Variants in GRIK2 observed in about 807,000 individuals in gnomAD.
GRIK2 encodes the protein glutamate receptor ionotropic, kainate 2.
Under a neutral mutation model 100.3 loss-of-function variants are expected in GRIK2, and 32 were observed. The observed-to-expected ratio is 0.32, with a 90% CI of 0.24 to 0.43. The LOEUF is 0.43. Among genes scored for constraint, GRIK2 ranks in the 20% least tolerant of loss-of-function variants. The pLI, the probability that GRIK2 is intolerant of heterozygous loss-of-function variation, is 1.00. For synonymous variants in GRIK2, 417 were observed against 389.4 expected, an observed-to-expected ratio of 1.07 and a Z score of -0.83; for missense variants, 843 against 1,114.9, an observed-to-expected ratio of 0.76 and a Z score of 3.47.
At chr6:101,865,419 T>C (rs1405731419) in intron 11 of GRIK2, among the ~76,000 whole-genome samples, 7 of 152,180 alleles carry the variant, frequency 4.6e-5, no homozygotes, top group Non-Finnish European at 1.5e-5. Flanking sequence ...AAATCAAATA[T>C]TTGTTTTTCA....
chr6:101,574,256 CTG>C (rs1777689770), intron 2 of GRIK2, among the ~76,000 whole-genome samples: 1 of 148,358 alleles, frequency 6.7e-6, no homozygotes, highest in Non-Finnish European at 1.5e-5. Flanking sequence ...GTTGAGGTAA[CTG>C]TTGTATAAAT....
At chr6:101,464,860 G>A (rs1325457800) in intron 2 of GRIK2, among the ~76,000 whole-genome samples, 1 of 152,026 alleles carries the variant, frequency 6.6e-6, no homozygotes, top group East Asian at 1.9e-4. Context: ...TGGATTTTTC[G>A]AGGAAGAACA....
chr6:101,673,365 C>G (rs896070136), intron 4 of GRIK2, among the ~76,000 whole-genome samples: 1 of 152,142 alleles, frequency 6.6e-6, no homozygotes, highest in South Asian at 2.1e-4. Context: ...TTTCTTTCCC[C>G]GGTTCTTCTC....
intron 10 of GRIK2, among the ~76,000 whole-genome samples, chr6:101,831,851 G>A (rs1329671998): frequency 4.6e-5 from 7 of 151,916 alleles, no homozygotes; most frequent in Non-Finnish European, 5.9e-5. Flanking sequence ...CCAATTTTGA[G>A]ATCACAGTTT....
chr6:101,923,602 C>A (rs749592600), intron 12 of GRIK2, among the ~76,000 whole-genome samples: 15 of 151,982 alleles, frequency 9.9e-5, no homozygotes, highest in Non-Finnish European at 4.4e-5. Flanking sequence ...AAACAGTGAG[C>A]CTCAGTATGA....
At chr6:102,017,772 T>C (rs749555614) in intron 14 of GRIK2, among the ~76,000 whole-genome samples, 1 of 152,166 alleles carries the variant, frequency 6.6e-6, no homozygotes, top group Non-Finnish European at 1.5e-5. Context: ...CATTGTTGTA[T>C]TCTCAAGTTC....
chr6:101,888,252 G>T (rs1786795596), intron 11 of GRIK2, among the ~76,000 whole-genome samples: 1 of 151,978 alleles, frequency 6.6e-6, no homozygotes, highest in South Asian at 2.1e-4. Flanking sequence ...TTTATATCCT[G>T]GTTCCAATGA....
In GRIK2 at chr6:102,069,333, AT is replaced by A. The variant is rs1772163194; in HGVS notation, c.*823del. 2 of 147,900 alleles carry A rather than the reference AT, an allele frequency of 1.4e-5. No homozygotes were observed. The highest frequency in any genetic ancestry group is 1.4e-4 in the Admixed American group (2 of 14,714). The allele number at this position is 147,900 out of a possible 1,614,324, so 9.2% of individuals were successfully genotyped here. ...AATAATAATAATAATAATAATAATA[AT>A]AATAAAAGCAGTTGGTTCAGTGATT... is the stretch of plus-strand genomic sequence containing the variant. On this transcript the variant is annotated 3_prime_UTR_variant, in exon 17 of 17. Coordinates refer to ENST00000369134, the MANE Select transcript of GRIK2 (RefSeq NM_021956.5).
At chr6:101,861,123 TGA>T (rs1423774481) in intron 11 of GRIK2, among the ~76,000 whole-genome samples, 3 of 152,158 alleles carry the variant, frequency 2.0e-5, no homozygotes, top group African/African-American at 7.2e-5. Context: ...CTTAACTTTC[TGA>T]AACATAAGAT....
intron 3 of GRIK2, among the ~76,000 whole-genome samples, chr6:101,623,273 G>T (rs1208277754): frequency 6.6e-6 from 1 of 151,984 alleles, no homozygotes; most frequent in Non-Finnish European, 1.5e-5. Context: ...GTTTATCAAA[G>T]CCATACTTTG....
intron 2 of GRIK2, among the ~76,000 whole-genome samples, chr6:101,510,512 T>G (rs1343849582): frequency 6.2e-5 from 1 of 16,134 alleles, no homozygotes; most frequent in Admixed American, 6.1e-4. Flanking sequence ...GTTGGGGAGT[T>G]TTTTTTTTTT....
intron 2 of GRIK2, among the ~76,000 whole-genome samples, chr6:101,506,463 G>A (rs543009608): frequency 7.2e-5 from 11 of 152,076 alleles, no homozygotes; most frequent in Admixed American, 6.6e-4. Flanking sequence ...TAAAAGTATG[G>A]ATATTTCTAA....
chr6:101,480,962 T>C (rs1264131518), intron 2 of GRIK2, among the ~76,000 whole-genome samples: 1 of 152,148 alleles, frequency 6.6e-6, no homozygotes, highest in African/African-American at 2.4e-5. Flanking sequence ...GAATAGAGTG[T>C]TGACAAATGA....
In GRIK2 at chr6:101,891,690, A is replaced by C. The variant is rs1787110603; in HGVS notation, c.1748+1827A>C. On this transcript the variant is annotated intron_variant, in intron 12 of 16. Coordinates refer to ENST00000369134, the MANE Select transcript of GRIK2 (RefSeq NM_021956.5). The stretch of plus-strand genomic sequence containing the variant: ...TATTTGCATTTGCCTAAAACTATGT[A>C]TTGGAAGCATATTGCCATATAGCAT... The C allele has an allele frequency of 2.4e-5, 8 of 337,910 alleles. 1 individual carries two copies. Among genetic ancestry groups the C allele is most frequent in the South Asian group, 1.9e-4 (8 of 41,506 alleles). 20.9% of individuals were successfully genotyped at this position (337,910 alleles called of 1,614,324 possible). A position where few individuals can be genotyped will look rare whatever the true frequency, so the allele number is the denominator to read the frequency against.
chr6:101,750,982 A>G (rs1188045488), intron 7 of GRIK2, among the ~76,000 whole-genome samples: 2 of 152,250 alleles, frequency 1.3e-5, no homozygotes, highest in African/African-American at 4.8e-5. Context: ...ATTGTGGTAC[A>G]GTGAAAAAAG....
In GRIK2 at chr6:102,069,860, A is replaced by G. The variant is rs1474121250; in HGVS notation, c.*1349A>G. 1 of 151,990 alleles carries G rather than the reference A, an allele frequency of 6.6e-6. No homozygotes were observed. Among genetic ancestry groups the G allele is most frequent in the Non-Finnish European group, 1.5e-5 (1 of 67,976 alleles). The allele number at this position is 151,990 out of a possible 1,614,324, so 9.4% of individuals were successfully genotyped here. ...CATAGAAGAGAAATATTTTCAAGTT[A>G]GATAATATAAAAGCTAGGTGCACTA... is the stretch of plus-strand genomic sequence containing the variant. On this transcript the variant is annotated 3_prime_UTR_variant, in exon 17 of 17. Coordinates refer to ENST00000369134, the MANE Select transcript of GRIK2 (RefSeq NM_021956.5).
intron 4 of GRIK2, among the ~76,000 whole-genome samples, chr6:101,669,442 ATTATTTTGAGAGAC>A (rs1770267865): frequency 6.6e-6 from 1 of 152,064 alleles, no homozygotes; most frequent in Non-Finnish European, 1.5e-5. Context: ...AACCATCTCA[ATTATTTTGAGAGAC>A]TTATTTTTTC....
chr6:101,662,034 C>A (rs536168427), intron 4 of GRIK2, among the ~76,000 whole-genome samples: 12 of 152,208 alleles, frequency 7.9e-5, no homozygotes, highest in Non-Finnish European at 1.5e-4. Context: ...AATACTCCAG[C>A]TTCCTCACCC....
At chr6:101,891,346 G>A (rs376496801) in intron 12 of GRIK2, among the ~76,000 whole-genome samples, 4 of 151,482 alleles carry the variant, frequency 2.6e-5, no homozygotes, top group East Asian at 3.9e-4. Context: ...GTGAAACCCC[G>A]TCTTTACTAA....
Sources: gnomAD v4.1 joint callset for allele counts (sites outside exome capture counted in the v4.1 genomes callset) on GRCh38, gnomAD v4.1.1 for gene constraint, MANE v1.5 for transcripts, NCBI Gene and HGNC (gene_info 2026-07-23, HGNC 2026-07-21) for gene names.